Variants in SAMD3 observed in about 807,000 individuals in gnomAD.
The protein encoded by SAMD3 is sterile alpha motif domain-containing protein 3.
In SAMD3, 63 loss-of-function variants were observed where a neutral mutation model predicts 58.5. That is an observed-to-expected ratio of 1.08 (90% CI 0.88 to 1.33). The LOEUF (loss-of-function observed/expected upper bound fraction) is 1.33, where lower values mean the gene tolerates loss of function less well. Ranked by LOEUF, SAMD3 falls within the 40% of genes most tolerant of loss-of-function variation. The probability of loss-of-function intolerance (pLI) is 0.00; values close to 1 mark genes in which losing one functional copy is unlikely to be tolerated. For synonymous variants in SAMD3, 220 were observed against 210.3 expected (o/e 1.05, Z -0.40); for missense variants, 604 against 608.4 (o/e 0.99, Z 0.08).
chr6:130,282,376 G>A (rs570157380), intron 2 of SAMD3, among the ~76,000 whole-genome samples: 70 of 152,246 alleles, frequency 4.6e-4, no homozygotes, highest in African/African-American at 1.7e-3. Context: ...TATATACATA[G>A]GCAAGTATAA....
chr6:130,144,453 C>A lies in SAMD3; in HGVS notation c.*67G>T. 1 of 1,514,250 alleles carries A rather than the reference C, an allele frequency of 6.6e-7. No homozygotes were observed. Among genetic ancestry groups the A allele is most frequent in the South Asian group, 1.3e-5 (1 of 77,294 alleles). 93.8% of individuals were successfully genotyped at this position (1,514,250 alleles called of 1,614,324 possible). A position where few individuals can be genotyped will look rare whatever the true frequency, so the allele number is the denominator to read the frequency against. On this transcript the variant is annotated 3_prime_UTR_variant, in exon 12 of 12. Coordinates refer to ENST00000439090, the MANE Select transcript of SAMD3 (RefSeq NM_001017373.4). ...ACCTACCTCTACCACAACCCTAAAT[C>A]AAAACAATTTCTTATGAAGCTTCAG...
At chr6:130,284,232 A>T (rs1775081884) in intron 2 of SAMD3, among the ~76,000 whole-genome samples, 3 of 152,244 alleles carry the variant, frequency 2.0e-5, no homozygotes, top group Admixed American at 1.3e-4. Flanking sequence ...ATAAAATTCC[A>T]AACATCTCTA....
At chr6:130,275,271 T>G (rs955334266) in intron 2 of SAMD3, among the ~76,000 whole-genome samples, 2 of 152,206 alleles carry the variant, frequency 1.3e-5, no homozygotes, top group African/African-American at 2.4e-5. Flanking sequence ...CTGATTTATT[T>G]TGCTTCTTGA....
chr6:130,316,477 A>T (rs1776375489), intron 1 of SAMD3, among the ~76,000 whole-genome samples: 2 of 152,014 alleles, frequency 1.3e-5, no homozygotes, highest in South Asian at 2.1e-4. Flanking sequence ...TGGGCTAAAA[A>T]TTTTTATAAT....
At chr6:130,154,282 G>A (rs1167978038) in intron 9 of SAMD3, among the ~76,000 whole-genome samples, 1 of 146,528 alleles carries the variant, frequency 6.8e-6, no homozygotes, top group African/African-American at 2.5e-5. Flanking sequence ...AGGAAAGAGG[G>A]TGGGTGGGGA....
intron 2 of SAMD3, among the ~76,000 whole-genome samples, chr6:130,232,972 C>A (rs1018697975): frequency 1.3e-5 from 2 of 152,136 alleles, no homozygotes; most frequent in Non-Finnish European, 2.9e-5. Context: ...ATGCGTGACA[C>A]GAGCTGAGAT....
At chr6:130,197,628 C>T (rs892973986) in intron 5 of SAMD3, among the ~76,000 whole-genome samples, 2 of 152,120 alleles carry the variant, frequency 1.3e-5, no homozygotes, top group African/African-American at 4.8e-5. Context: ...CACAATATCA[C>T]CCCTTACCAC....
chr6:130,218,911 A>C (rs926961884), intron 1 of SAMD3, among the ~76,000 whole-genome samples: 11 of 152,210 alleles, frequency 7.2e-5, no homozygotes, highest in Middle Eastern at 3.2e-3. Flanking sequence ...GGGTCTGAAG[A>C]TCGCAGAAAG....
At chr6:130,365,790 C>T, upstream of SAMD3, 1 of 985,448 alleles carries the variant, frequency 1.0e-6, no homozygotes, top group Non-Finnish European at 1.2e-6. Context: ...ACTTTGTGGC[C>T]GGGACGCGGA....
chr6:130,279,923 A>G (rs2114948594), intron 2 of SAMD3, among the ~76,000 whole-genome samples: 1 of 152,078 alleles, frequency 6.6e-6, no homozygotes, highest in African/African-American at 2.4e-5. Flanking sequence ...TTTGAGCTGC[A>G]CCTCCCAGGG....
At chr6:130,338,013 C>T (rs1033634349) in intron 1 of SAMD3, among the ~76,000 whole-genome samples, 3 of 152,244 alleles carry the variant, frequency 2.0e-5, no homozygotes, top group African/African-American at 7.2e-5. Flanking sequence ...CAGAGCATGT[C>T]AGAGACCTTC....
intron 2 of SAMD3, among the ~76,000 whole-genome samples, chr6:130,274,222 G>A (rs772258457): frequency 3.9e-5 from 6 of 152,128 alleles, no homozygotes; most frequent in Non-Finnish European, 8.8e-5. Context: ...TCTCCTGGCT[G>A]GTAAGGTTTC....
At position 130,214,505 on chromosome 6, in the gene SAMD3, G is replaced by C. The variant is rs776462828; in HGVS notation, c.101C>G (p.Ala34Gly). ...RFQEEEVSGA[A>G]LLALNDRMVQ... ...CATCCGATCATTAAGTGCAAGAAGA[G>C]CGGCCCCACTTACTTCTTCCTCTGG... Residue 34 changes from alanine (A) to glycine (G), a missense_variant, in exon 4 of 12, where the codon GCT (alanine) becomes GGT (glycine). Physicochemically the swap from Ala to Gly is moderately conservative, Grantham distance 60 (BLOSUM62 0). Coordinates refer to ENST00000439090, the MANE Select transcript of SAMD3 (RefSeq NM_001017373.4). The C allele has an allele frequency of 6.3e-7, 1 of 1,597,906 alleles. No homozygotes were observed.
chr6:130,143,628 T>C (rs1457508470), downstream of SAMD3: 1 of 152,224 alleles, frequency 6.6e-6, no homozygotes, highest in African/African-American at 2.4e-5. Flanking sequence ...TGTGTAGGTA[T>C]TTTTAACACA....
chr6:130,262,018 A>G (rs1774158492), intron 2 of SAMD3, among the ~76,000 whole-genome samples: 2 of 152,036 alleles, frequency 1.3e-5, no homozygotes, highest in Admixed American at 6.5e-5. Flanking sequence ...AGGAAAGTCA[A>G]AGAGAGAAAG....
At chr6:130,167,993 A>G (rs891608508) in intron 8 of SAMD3, among the ~76,000 whole-genome samples, 2 of 152,222 alleles carry the variant, frequency 1.3e-5, no homozygotes, top group Non-Finnish European at 2.9e-5. Flanking sequence ...TTTTGCAGCC[A>G]AAGAATATAG....
In SAMD3 at chr6:130,144,633, G is replaced by A. The variant is rs1412465886; in HGVS notation, c.1450C>T (p.Leu484=). ...TCTAGGAAGTTGAAAGTTTGGGACA[G>A]TCTTCTTGGACACTCAATCCTAAAT... is the stretch of plus-strand genomic sequence containing the variant. ...HVFRIECPRR[L]SQTFNFLETL... Residue 484 remains leucine (L), a synonymous_variant, in exon 12 of 12, where the codon CTG becomes TTG. Coordinates refer to ENST00000439090, the MANE Select transcript of SAMD3 (RefSeq NM_001017373.4). The A allele has an allele frequency of 1.9e-6, 3 of 1,614,122 alleles. No individual in the cohort carries two copies. In the Admixed American group the frequency reaches 5.0e-5, roughly 27 times the overall value.
At chr6:130,175,266 A>G (rs1791615169) in intron 8 of SAMD3, among the ~76,000 whole-genome samples, 1 of 152,142 alleles carries the variant, frequency 6.6e-6, no homozygotes, top group East Asian at 1.9e-4. Context: ...ATCTCAGACA[A>G]TTGGAATTCC....
chr6:130,238,310 G>C (rs938345905), intron 2 of SAMD3, among the ~76,000 whole-genome samples: 62 of 152,150 alleles, frequency 4.1e-4, no homozygotes, highest in Admixed American at 8.5e-4. Context: ...AAAAAATATT[G>C]TGGGAAGATA....
Sources: gnomAD v4.1 joint callset for allele counts (sites outside exome capture counted in the v4.1 genomes callset) on GRCh38, gnomAD v4.1.1 for gene constraint, MANE v1.5 for transcripts, NCBI Gene and HGNC (gene_info 2026-07-23, HGNC 2026-07-21) for gene names.